SKP1: variants seen among roughly 807,000 people sequenced by gnomAD.
The protein encoded by SKP1 is S-phase kinase-associated protein 1.
Under a neutral mutation model 21.5 loss-of-function variants are expected in SKP1, and 1 was observed. The observed-to-expected ratio is 0.05, with a 90% CI of 0.02 to 0.22. The LOEUF (loss-of-function observed/expected upper bound fraction) is 0.22. SKP1 is among the 10% of genes least tolerant of loss of function. The probability of loss-of-function intolerance (pLI) is 1.00; values close to 1 mark genes in which losing one functional copy is unlikely to be tolerated. For missense variants in SKP1, 70 were observed against 192.0 expected (o/e 0.36, Z 3.76); for synonymous variants, 59 against 59.3 (o/e 0.99, Z 0.03).
At position 134,151,304 on chromosome 5, in the gene SKP1, AAAAT is replaced by A. The variant is rs746706980; in HGVS notation, c.*6425_*6428del. On this transcript the variant is annotated 3_prime_UTR_variant, in exon 6 of 6. Coordinates refer to ENST00000353411, the MANE Select transcript of SKP1 (RefSeq NM_170679.3). ...AGGAAAAGCCAGGTTCCACTCACCAAAAATAAATAAATAAATAAATAAAAATTTT... is the reference window on the plus strand; with the variant it reads ...AGGAAAAGCCAGGTTCCACTCACCAAAAATAAATAAATAAATAAAAATTTT... The A allele has an allele frequency of 5.5e-4, 84 of 153,024 alleles. No individual in the cohort carries two copies. The highest frequency in any genetic ancestry group is 2.3e-3 in the Admixed American group (36 of 15,374). 9.5% of individuals were successfully genotyped at this position (153,024 alleles called of 1,614,324 possible).
chr5:134,158,208 C>T, intron 5 of SKP1: 1 of 1,416,306 alleles, frequency 7.1e-7, no homozygotes, highest in Non-Finnish European at 9.2e-7. Context: ...AAACTAGTAA[C>T]TGTTAATACA....
At chr5:134,173,831 C>T in intron 2 of SKP1, 95 bp downstream of exon 2, 3 of 781,462 alleles carry the variant, frequency 3.8e-6, no homozygotes, top group Non-Finnish European at 7.0e-6. Context: ...TACTCTCAAG[C>T]ACCTTATGAC....
In SKP1 at chr5:134,161,184, C is replaced by T. The variant is rs987323627; in HGVS notation, c.172-54G>A. 6.3e-5 allele frequency: 92 copies of T among 1,470,340 alleles called. No individual in the cohort carries two copies. In the African/African-American group the frequency reaches 1.2e-3, roughly 19 times the overall value. The allele number at this position is 1,470,340 out of a possible 1,614,324, so 91.1% of individuals were successfully genotyped here. A position where few individuals can be genotyped will look rare whatever the true frequency, so the allele number is the denominator to read the frequency against. On this transcript the variant is annotated intron_variant, in intron 3 of 5. Coordinates refer to ENST00000353411, the MANE Select transcript of SKP1 (RefSeq NM_170679.3). The stretch of plus-strand genomic sequence containing the variant: ...GGCACTTTGTCACAAGGTACTCATT[C>T]CACTGCTGGGACAACTTATCCCTAT...
intron 3 of SKP1, among the ~76,000 whole-genome samples, chr5:134,163,291 T>C (rs909219178): frequency 1.5e-5 from 2 of 136,042 alleles, no homozygotes; most frequent in African/African-American, 2.8e-5. Context: ...AAAGGATATA[T>C]AAAGAAACTA....
chr5:134,169,821 G>A (rs928148604), intron 2 of SKP1, among the ~76,000 whole-genome samples: 5 of 152,314 alleles, frequency 3.3e-5, no homozygotes, highest in African/African-American at 4.8e-5. Context: ...CCAACATGGT[G>A]AAAACCCGTC....
Position 134,152,556 on chromosome 5 carries a change from T to G in SKP1, c.*5177A>C, listed in dbSNP as rs1286848246. 1 of 151,468 alleles carries G rather than the reference T, an allele frequency of 6.6e-6. No individual in the cohort carries two copies. Among genetic ancestry groups the G allele is most frequent in the South Asian group, 2.1e-4 (1 of 4,824 alleles). 9.4% of individuals were successfully genotyped at this position (151,468 alleles called of 1,614,324 possible). The stretch of plus-strand genomic sequence containing the variant: ...GTTCTGTCCAGAAACTTTTTTTTTT[T>G]GAAACGGAGTCTCGCTCTGTCGCCA... On this transcript the variant is annotated 3_prime_UTR_variant, in exon 6 of 6. Transcript: ENST00000353411.
chr5:134,149,159 CCAAA>C lies in SKP1; in HGVS notation c.*8570_*8573del, dbSNP rs540934771. ...TCCGGGCTTTTAGTGTGCCTCTCAC[CCAAA>C]CAGTGTACTGTGCACGTAAGTAGTG... is the stretch of plus-strand genomic sequence containing the variant. On this transcript the variant is annotated 3_prime_UTR_variant, in exon 6 of 6. Transcript: ENST00000353411. The C allele has an allele frequency of 7.2e-5, 11 of 152,210 alleles. 1 individual carries two copies. Among genetic ancestry groups the C allele is most frequent in the Middle Eastern group, 6.8e-3 (2 of 294 alleles). The allele number at this position is 152,210 out of a possible 1,614,324, so 9.4% of individuals were successfully genotyped here.
In SKP1 at chr5:134,156,597, A is replaced by G. The variant is rs1244531307; in HGVS notation, c.*1136T>C. The G allele has an allele frequency of 1.3e-5, 2 of 152,246 alleles. No homozygotes were observed. The highest frequency in any genetic ancestry group is 2.9e-5 in the Non-Finnish European group (2 of 68,044). The allele number at this position is 152,246 out of a possible 1,614,324, so 9.4% of individuals were successfully genotyped here. ...GAGCACAAGGAAGAAAAAAAAATCA[A>G]AATTTGTGAGCCATCTCAAGCCATC... On this transcript the variant is annotated 3_prime_UTR_variant, in exon 6 of 6. Coordinates refer to ENST00000353411, the MANE Select transcript of SKP1 (RefSeq NM_170679.3).
chr5:134,153,667 A>G lies in SKP1; in HGVS notation c.*4066T>C, dbSNP rs552750141. ...TCTCAATTTTCTCTTTTCTGGTGGA[A>G]AATCACCTTATATTCCCAAACTGCC... is the stretch of plus-strand genomic sequence containing the variant. On this transcript the variant is annotated 3_prime_UTR_variant, in exon 6 of 6. Coordinates refer to ENST00000353411, the MANE Select transcript of SKP1 (RefSeq NM_170679.3). 3.3e-5 allele frequency: 5 copies of G among 152,298 alleles called. No homozygotes were observed. The East Asian group carries it at 5.8e-4, about 18-fold the overall frequency. 9.4% of individuals were successfully genotyped at this position (152,298 alleles called of 1,614,324 possible).
chr5:134,175,758 A>AT (rs1471951935), intron 1 of SKP1, among the ~76,000 whole-genome samples: 1 of 152,260 alleles, frequency 6.6e-6, no homozygotes, highest in Non-Finnish European at 1.5e-5. Context: ...AAACTCAAAG[A>AT]TAAGTTTTAG....
intron 3 of SKP1, among the ~76,000 whole-genome samples, chr5:134,163,218 A>AAAAAAAG: frequency 8.5e-6 from 1 of 118,338 alleles, no homozygotes; most frequent in African/African-American, 2.6e-5. Flanking sequence ...CTGTCAAAAA[A>AAAAAAAG]AAAAAAAAAA....
chr5:134,163,212 C>CCAAAAAA (rs1554109599), intron 3 of SKP1, among the ~76,000 whole-genome samples: 1 of 70,108 alleles, frequency 1.4e-5, no homozygotes, highest in Non-Finnish European at 2.5e-5. Flanking sequence ...GCGATTCTGT[C>CCAAAAAA]AAAAAAAAAA....
intron 4 of SKP1, 54 bp from the exon 5 acceptor site, chr5:134,158,649 C>T (rs188427706): frequency 2.0e-6 from 3 of 1,480,888 alleles, no homozygotes. Context: ...TAAACTAAAT[C>T]CAAAGTTAAT....
chr5:134,171,862 T>C lies in SKP1; in HGVS notation c.97+2064A>G, dbSNP rs183800490. On this transcript the variant is annotated intron_variant, in intron 2 of 5. Transcript: ENST00000353411. Reference sequence around the variant, plus strand: ...GAGTTTGAGACCAGCCTGACCAACATGGAGAAACCTCGTCTCTACTAAAAA... The same window carrying C: ...GAGTTTGAGACCAGCCTGACCAACACGGAGAAACCTCGTCTCTACTAAAAA... Among the ~76,000 whole-genome samples, 590 of 152,190 alleles carry C rather than the reference T, an allele frequency of 3.9e-3. 7 individuals are homozygous for C. Among genetic ancestry groups the C allele is most frequent in the African/African-American group, 0.013 (550 of 41,520 alleles).
chr5:134,168,626 T>C (rs991086634), intron 2 of SKP1, among the ~76,000 whole-genome samples: 2 of 152,198 alleles, frequency 1.3e-5, no homozygotes, highest in African/African-American at 4.8e-5. Flanking sequence ...CACAAGATGA[T>C]AGCCTGGACA....
Position 134,149,531 on chromosome 5 carries a change from T to G in SKP1, c.*8202A>C, listed in dbSNP as rs970877537. 1 of 152,252 alleles carries G rather than the reference T, an allele frequency of 6.6e-6. No homozygotes were observed. Among genetic ancestry groups the G allele is most frequent in the African/African-American group, 2.4e-5 (1 of 41,466 alleles). The allele number at this position is 152,252 out of a possible 1,614,324, so 9.4% of individuals were successfully genotyped here. A position where few individuals can be genotyped will look rare whatever the true frequency, so the allele number is the denominator to read the frequency against. Reference sequence around the variant, plus strand: ...AGTTCTATTTTTTGGATTTTGTGTTTAAAGTATAAAGTCATTTTCCAGAAC... The same window carrying G: ...AGTTCTATTTTTTGGATTTTGTGTTGAAAGTATAAAGTCATTTTCCAGAAC... On this transcript the variant is annotated 3_prime_UTR_variant, in exon 6 of 6. Coordinates refer to ENST00000353411, the MANE Select transcript of SKP1 (RefSeq NM_170679.3).
intron 2 of SKP1, among the ~76,000 whole-genome samples, chr5:134,172,423 G>T (rs974323960): frequency 3.3e-5 from 5 of 152,132 alleles, no homozygotes; most frequent in Non-Finnish European, 7.4e-5. Flanking sequence ...ACACTGATTT[G>T]TATCACCCCA....
At position 134,161,117 on chromosome 5, in the gene SKP1, C is replaced by A; in HGVS notation, c.185G>T (p.Cys62Phe). The change falls in exon 4 of 6, where the codon TGC (cysteine) becomes TTC (phenylalanine). Residue 62 changes from cysteine (C) to phenylalanine (F), a missense_variant. Cys to Phe is a radical substitution (Grantham distance 205). Transcript: ENST00000353411. ...AAILKKVIQWCTHHKDDPPPP... is the reference protein window; with the variant it reads ...AAILKKVIQWFTHHKDDPPPP... ...AGGAGGGTCATCCTTGTGGTGGGTG[C>A]ACCACTGAATGACCTACAACAACAA... is the stretch of plus-strand genomic sequence containing the variant. 6.2e-7 allele frequency: 1 copy of A among 1,610,550 alleles called. No individual in the cohort carries two copies. Among genetic ancestry groups the A allele is most frequent in the Non-Finnish European group, 8.5e-7 (1 of 1,178,094 alleles).
intron 2 of SKP1, among the ~76,000 whole-genome samples, chr5:134,172,714 C>G (rs1761466203): frequency 6.6e-6 from 1 of 151,840 alleles, no homozygotes; most frequent in African/African-American, 2.4e-5. Flanking sequence ...GAGATCCTGT[C>G]TCTATAAAAA....
Sources: gnomAD v4.1 joint callset for allele counts (sites outside exome capture counted in the v4.1 genomes callset) on GRCh38, gnomAD v4.1.1 for gene constraint, MANE v1.5 for transcripts, NCBI Gene and HGNC (gene_info 2026-07-23, HGNC 2026-07-21) for gene names.